CCDC57: variants seen among roughly 807,000 people sequenced by gnomAD.
The protein encoded by CCDC57 is coiled-coil domain-containing protein 57.
In CCDC57, 118 loss-of-function variants were observed where a neutral mutation model predicts 118.9. The ratio of observed to expected loss-of-function variants is 0.99; its 90% CI spans 0.86 to 1.16. CCDC57 has a LOEUF of 1.16. Ranked by LOEUF, CCDC57 falls within the 50% of genes most tolerant of loss-of-function variation. CCDC57 has a pLI of 0.00. For synonymous variants in CCDC57, 527 were observed against 532.9 expected, an observed-to-expected ratio of 0.99 and a Z score of 0.15; for missense variants, 1,300 against 1,320.7, an observed-to-expected ratio of 0.98 and a Z score of 0.24.
chr17:82,120,171 A>ATT (rs200053710), intron 19 of CCDC57, among the ~76,000 whole-genome samples: 32 of 131,668 alleles, frequency 2.4e-4, no homozygotes, highest in South Asian at 6.9e-4. Flanking sequence ...TATTATTATT[A>ATT]TTATTTTTTT....
At chr17:82,170,665 G>A (rs2044585516) in intron 13 of CCDC57, among the ~76,000 whole-genome samples, 1 of 152,002 alleles carries the variant, frequency 6.6e-6, no homozygotes, top group South Asian at 2.1e-4. Flanking sequence ...CACCCTGCCG[G>A]CAACCTGATC....
rs1407977747 is a variant in CCDC57 at position 82,151,555 on chromosome 17, C to T, written c.2455+5G>A. Reference sequence around the variant, plus strand: ...CAGGCCATGGCCTCCACTTCCCGGACTCACTTTCGGGTCGGCCCAGCTCTG... The same window carrying T: ...CAGGCCATGGCCTCCACTTCCCGGATTCACTTTCGGGTCGGCCCAGCTCTG... On this transcript the variant is annotated splice_donor_5th_base_variant and intron_variant, in intron 16 of 19. Coordinates refer to ENST00000665763, the Ensembl canonical transcript of CCDC57. 3 of 1,550,010 alleles carry T rather than the reference C, an allele frequency of 1.9e-6. No homozygotes were observed. The highest frequency in any genetic ancestry group is 2.6e-6 in the Non-Finnish European group (3 of 1,146,924).
In CCDC57 at chr17:82,111,119, G is replaced by A. The variant is rs537395829; in HGVS notation, c.2900-9253C>T. Among the ~76,000 whole-genome samples the A allele has an allele frequency of 4.0e-4, 61 of 152,094 alleles. 1 individual carries two copies. Among genetic ancestry groups the A allele is most frequent in the Non-Finnish European group, 4.7e-4 (32 of 67,986 alleles). Reference sequence around the variant, plus strand: ...TTTTGTTTTTGTTTTGTTTTGGGACGGAGTCTTGCTCTGTTGCCCAGGCTG... The same window carrying A: ...TTTTGTTTTTGTTTTGTTTTGGGACAGAGTCTTGCTCTGTTGCCCAGGCTG... On this transcript the variant is annotated intron_variant, in intron 19 of 19. Transcript: ENST00000665763.
intron 16 of CCDC57, among the ~76,000 whole-genome samples, chr17:82,150,264 C>T (rs2032521418): frequency 6.8e-6 from 1 of 146,234 alleles, no homozygotes; most frequent in African/African-American, 2.5e-5. Context: ...GAACCTGACC[C>T]GCACCCAGAA....
chr17:82,113,546 G>A, intron 19 of CCDC57: 1 of 717,610 alleles, frequency 1.4e-6, no homozygotes, highest in Non-Finnish European at 2.6e-6. Flanking sequence ...TTTGCACACT[G>A]AGGAGCTGCC....
chr17:82,198,129 C>T (rs2048528002), intron 4 of CCDC57, among the ~76,000 whole-genome samples, 185 bp downstream of exon 3: 2 of 152,216 alleles, frequency 1.3e-5, no homozygotes, highest in South Asian at 4.1e-4. Context: ...TGCATGTAGA[C>T]ATCCCATCCT....
intron 11 of CCDC57, among the ~76,000 whole-genome samples, chr17:82,175,378 G>A (rs891218785): frequency 2.0e-5 from 3 of 152,320 alleles, no homozygotes; most frequent in East Asian, 1.9e-4. Context: ...CAGAGGGCTC[G>A]GCAGTGTGAA....
intron 5 of CCDC57, chr17:82,194,372 G>GTGA (rs918459780): frequency 6.0e-5 from 25 of 414,410 alleles, no homozygotes; most frequent in Non-Finnish European, 8.2e-5. Flanking sequence ...GTGCAATGGC[G>GTGA]TGATCTCGGC....
chr17:82,141,652 C>G (rs1247797619), intron 16 of CCDC57, among the ~76,000 whole-genome samples: 1 of 152,192 alleles, frequency 6.6e-6, no homozygotes, highest in Non-Finnish European at 1.5e-5. Flanking sequence ...AGATCAGGAA[C>G]AACCTTTCTG....
intron 19 of CCDC57, among the ~76,000 whole-genome samples, chr17:82,119,732 G>A (rs74523167): frequency 0.02 from 3,012 of 152,100 alleles, 94 homozygotes; most frequent in African/African-American, 0.068. Context: ...GAGCTGGAGT[G>A]CAGGTAGCTG....
chr17:82,151,033 T>A (rs1289589116), intron 16 of CCDC57, among the ~76,000 whole-genome samples: 25 of 59,064 alleles, frequency 4.2e-4, no homozygotes, highest in Non-Finnish European at 4.7e-4. Flanking sequence ...ACCCAGAACC[T>A]GGCGCACACC....
At chr17:82,195,587 T>G (rs1279902133) in intron 4 of CCDC57, among the ~76,000 whole-genome samples, 1 of 150,776 alleles carries the variant, frequency 6.6e-6, no homozygotes, top group Non-Finnish European at 1.5e-5. Context: ...AAGACCAGCC[T>G]GGGCAACACA....
chr17:82,190,214 G>A (rs1465429312), intron 7 of CCDC57, among the ~76,000 whole-genome samples: 2 of 152,158 alleles, frequency 1.3e-5, no homozygotes, highest in African/African-American at 4.8e-5. Flanking sequence ...GACTTCTCAA[G>A]GTTCTTCATA....
chr17:82,147,478 C>T (rs922465324), intron 16 of CCDC57, among the ~76,000 whole-genome samples: 4 of 136,640 alleles, frequency 2.9e-5, no homozygotes, highest in South Asian at 2.4e-4. Flanking sequence ...GGTGTATGGA[C>T]GGATGGACAG....
intron 5 of CCDC57, 60 bp from the exon 5 acceptor site, chr17:82,194,199 G>C: frequency 1.3e-6 from 2 of 1,529,824 alleles, no homozygotes; most frequent in Non-Finnish European, 9.0e-7. Flanking sequence ...TGAGGCATTA[G>C]GGGTACATAC....
chr17:82,176,620 GC>G (rs1057069144), intron 11 of CCDC57, among the ~76,000 whole-genome samples: 24 of 152,080 alleles, frequency 1.6e-4, no homozygotes, highest in African/African-American at 5.3e-4. Flanking sequence ...ACCAGCGTGG[GC>G]CCCCTGGACC....
chr17:82,151,053 A>G (rs1490374410), intron 16 of CCDC57, among the ~76,000 whole-genome samples: 8 of 84,714 alleles, frequency 9.4e-5, no homozygotes, highest in African/African-American at 1.8e-4. Context: ...CCAGAACCTG[A>G]CCCGCACCCA....
chr17:82,196,582 C>T (rs1472420860), intron 4 of CCDC57, among the ~76,000 whole-genome samples: 9 of 152,154 alleles, frequency 5.9e-5, no homozygotes, highest in African/African-American at 9.7e-5. Flanking sequence ...TCCCAACATC[C>T]GACAGGACCA....
intron 16 of CCDC57, among the ~76,000 whole-genome samples, chr17:82,134,928 T>C (rs905250131): frequency 1.3e-5 from 2 of 152,196 alleles, no homozygotes; most frequent in Non-Finnish European, 2.9e-5. Context: ...ATTCCATTCA[T>C]GTTATGTTAT....
Sources: allele counts gnomAD v4.1 joint callset (sites outside exome capture counted in the v4.1 genomes callset), GRCh38; gene constraint gnomAD v4.1.1; transcripts MANE v1.5; gene names NCBI Gene and HGNC (gene_info 2026-07-23, HGNC 2026-07-21).